Variants in PTPRS observed in about 807,000 individuals in gnomAD.
PTPRS encodes the protein receptor-type tyrosine-protein phosphatase S.
Under a neutral mutation model 215.3 loss-of-function variants are expected in PTPRS, and 63 were observed. The observed-to-expected ratio is 0.29, with a 90% CI of 0.24 to 0.36. The LOEUF (loss-of-function observed/expected upper bound fraction) is 0.36, where lower values mean the gene tolerates loss of function less well. Among genes scored for constraint, PTPRS ranks in the 10% least tolerant of loss-of-function variants. The pLI is 1.00. For synonymous variants in PTPRS, 1,404 were observed against 1,191.4 expected, an observed-to-expected ratio of 1.18 and a Z score of -3.68; for missense variants, 2,258 against 2,825.8, an observed-to-expected ratio of 0.80 and a Z score of 4.56.
At chr19:5,219,821 C>A in intron 22 of PTPRS, 118 bp downstream of exon 22, 2 of 1,199,948 alleles carry the variant, frequency 1.7e-6, no homozygotes, top group Non-Finnish European at 1.2e-6. Context: ...TCCCCTCTGC[C>A]CAGCTCTGAC....
intron 1 of PTPRS, among the ~76,000 whole-genome samples, chr19:5,334,494 T>C (rs1314709435): frequency 1.3e-5 from 2 of 152,082 alleles, no homozygotes; most frequent in Non-Finnish European, 1.5e-5. Context: ...CACAGAGAGG[T>C]TGAGCAACTT....
At position 5,231,512 on chromosome 19, in the gene PTPRS, C is replaced by A. The variant is rs1254629423; in HGVS notation, c.1953G>T (p.Leu651=). The stretch of plus-strand genomic sequence containing the variant: ...GTCGGTAGCGGACGCTGTAGCCCAC[C>A]AGGGCCCCGTTGTGCGTTTCCGGCG... ...PPPPETHNGA[L]VGYSVRYRPL... is the part of the protein sequence containing the mutation. Residue 651 remains leucine (L), a synonymous_variant, in exon 14 of 38, where the codon CTG becomes CTT. Coordinates refer to ENST00000262963, the MANE Select transcript of PTPRS (RefSeq NM_002850.4). 6.2e-7 allele frequency: 1 copy of A among 1,612,136 alleles called. No individual in the cohort carries two copies. The highest frequency in any genetic ancestry group is 8.5e-7 in the Non-Finnish European group (1 of 1,179,826).
chr19:5,225,958 G>A, intron 16 of PTPRS, 114 bp from the exon 17 acceptor site: 4 of 828,614 alleles, frequency 4.8e-6, no homozygotes, highest in Non-Finnish European at 6.0e-6. Flanking sequence ...ATCAGGGGTG[G>A]AGACGTGCAC....
intron 11 of PTPRS, among the ~76,000 whole-genome samples, chr19:5,242,291 G>A (rs1180289913): frequency 6.6e-6 from 1 of 152,246 alleles, no homozygotes; most frequent in Non-Finnish European, 1.5e-5. Flanking sequence ...CAGCCACTGG[G>A]ATCTACCCGG....
Position 5,244,057 on chromosome 19 carries a change from C to T in PTPRS, c.1414G>A (p.Val472Met), listed in dbSNP as rs747170106. ...VYYTMEPEHP[V>M]GNWQKHNVDD... is the part of the protein sequence containing the mutation. ...ACGTTGTGCTTCTGCCAGTTGCCCA[C>T]GGGGTGCTCCGGTTCCATGGTGTAG... Residue 472 changes from valine (V) to methionine (M), a missense_variant, in exon 11 of 38, where the codon GTG (valine) becomes ATG (methionine). This residue lies in a region of PTPRS where 508 missense variants were observed against 799.4 expected (regional missense o/e 0.64). Coordinates refer to ENST00000262963, the MANE Select transcript of PTPRS (RefSeq NM_002850.4). The surrounding 1 kb of genome is among the most constrained non-coding windows in gnomAD (Gnocchi z 7.2). 6.2e-6 allele frequency: 10 copies of T among 1,610,446 alleles called. No individual in the cohort carries two copies. Among genetic ancestry groups the T allele is most frequent in the Non-Finnish European group, 7.6e-6 (9 of 1,179,924 alleles).
At chr19:5,238,417 T>C (rs765351910) in intron 13 of PTPRS, among the ~76,000 whole-genome samples, 31 of 152,064 alleles carry the variant, frequency 2.0e-4, no homozygotes, top group Admixed American at 3.9e-4. Flanking sequence ...CCTGGGGTCT[T>C]GAGAGCCAAG....
At chr19:5,270,910 G>T (rs1338460664) in intron 4 of PTPRS, among the ~76,000 whole-genome samples, 12 of 152,192 alleles carry the variant, frequency 7.9e-5, no homozygotes, top group Non-Finnish European at 1.5e-4. Context: ...CTCCCAAACT[G>T]CTGGGATTAC....
Position 5,274,253 on chromosome 19 carries a change from C to A in PTPRS, c.183G>T (p.Lys61Asn). ...CCTTCTTGTTCCAGGTCACTCGTGG[C>A]TTGGGGTCACCCGTGGCCTGACACA... The part of the protein sequence containing the change: ...SFVCQATGDP[K>N]PRVTWNKKGK... The change falls in exon 3 of 38, where the codon AAG (lysine) becomes AAT (asparagine). Residue 61 changes from lysine to asparagine, a missense_variant. Around this residue, in one of 6 missense-constraint regions of PTPRS, gnomAD observed 508 missense variants for 799.4 expected, o/e 0.64. Coordinates refer to ENST00000262963, the MANE Select transcript of PTPRS (RefSeq NM_002850.4). The A allele has an allele frequency of 6.2e-7, 1 of 1,614,070 alleles. No individual in the cohort carries two copies. Among genetic ancestry groups the A allele is most frequent in the African/African-American group, 1.3e-5 (1 of 75,008 alleles).
intron 25 of PTPRS, 82 bp downstream of exon 25, chr19:5,218,338 G>T (rs2041672767): frequency 7.6e-7 from 1 of 1,311,604 alleles, no homozygotes; most frequent in Admixed American, 2.0e-5. Flanking sequence ...GCCAATGAGG[G>T]GCCCCCAGGG....
At chr19:5,253,111 G>A (rs528188825) in intron 9 of PTPRS, among the ~76,000 whole-genome samples, 1 of 152,234 alleles carries the variant, frequency 6.6e-6, no homozygotes, top group East Asian at 1.9e-4. Context: ...CATAGTCAGG[G>A]AGAATATAAT....
At position 5,206,072 on chromosome 19, in the gene PTPRS, A is replaced by G. The variant is rs1599318172; in HGVS notation, c.*702T>C. Among the ~76,000 whole-genome samples the G allele has an allele frequency of 6.8e-6, 1 of 147,124 alleles. No individual in the cohort carries two copies. Among genetic ancestry groups the G allele is most frequent in the African/African-American group, 2.5e-5 (1 of 39,418 alleles). On this transcript the variant is annotated 3_prime_UTR_variant, in exon 38 of 38. Coordinates refer to ENST00000262963, the MANE Select transcript of PTPRS (RefSeq NM_002850.4). ...TGGTAGGAAAAATTAAAAAAAAAAA[A>G]AAAAAAAAAAAAGCCAAGGTACAGC...
intron 37 of PTPRS, among the ~76,000 whole-genome samples, chr19:5,207,502 G>A (rs574859124): frequency 4.6e-5 from 7 of 152,262 alleles, no homozygotes; most frequent in African/African-American, 1.4e-4. Flanking sequence ...CTGCCACGCC[G>A]GGTCCCCTCT....
At chr19:5,303,963 T>C (rs373799937) in intron 1 of PTPRS, among the ~76,000 whole-genome samples, 5 of 72,696 alleles carry the variant, frequency 6.9e-5, no homozygotes, top group South Asian at 6.7e-4. Context: ...AAAATAATAA[T>C]AACAATAAAA....
chr19:5,237,070 C>T lies in PTPRS; in HGVS notation c.1849+1849G>A, dbSNP rs1313896234. ...TTCAACTGCTAACTTAAAAGACTTT[C>T]TTACGAGAGAGGGAACGGCCGAGCG... On this transcript the variant is annotated intron_variant, in intron 13 of 37. Transcript: ENST00000262963. The surrounding 1 kb of genome is among the most constrained non-coding windows in gnomAD (Gnocchi z 4.2). 1.3e-5 allele frequency among the ~76,000 whole-genome samples: 2 copies of T among 152,202 alleles called. No homozygotes were observed. Among genetic ancestry groups the T allele is most frequent in the Non-Finnish European group, 1.5e-5 (1 of 68,046 alleles).
chr19:5,279,679 CTATTTT>C (rs915521093), intron 2 of PTPRS, among the ~76,000 whole-genome samples: 95 of 151,330 alleles, frequency 6.3e-4, no homozygotes, highest in African/African-American at 2.2e-3. Context: ...CTGAAGTTAT[CTATTTT>C]TATTTTTATT....
intron 2 of PTPRS, among the ~76,000 whole-genome samples, chr19:5,283,639 A>G (rs1036398437): frequency 5.3e-5 from 8 of 152,174 alleles, no homozygotes; most frequent in African/African-American, 9.6e-5. Flanking sequence ...GACATCCCCA[A>G]TGCAGGTGAG....
intron 4 of PTPRS, among the ~76,000 whole-genome samples, chr19:5,266,002 G>C (rs576259782): frequency 6.6e-6 from 1 of 152,152 alleles, no homozygotes; most frequent in Non-Finnish European, 1.5e-5. Flanking sequence ...GCTCATGCCT[G>C]TAATCCCAGC....
chr19:5,231,084 G>A (rs1297355861), intron 14 of PTPRS, among the ~76,000 whole-genome samples: 1 of 152,150 alleles, frequency 6.6e-6, no homozygotes. Flanking sequence ...GTCCAGGCAC[G>A]AGGCTCTGGG....
rs1031058665 is a variant in PTPRS at position 5,227,192 on chromosome 19, G to A, written c.2377-1348C>T. 5.3e-5 allele frequency among the ~76,000 whole-genome samples: 8 copies of A among 151,866 alleles called. No homozygotes were observed. The East Asian group carries it at 1.4e-3, about 26-fold the overall frequency. ...CTCCCAAGTAGCTGGGAATACAGAC[G>A]TGCACCACCACATGCCTGGCTAATG... On this transcript the variant is annotated intron_variant, in intron 16 of 37. Transcript: ENST00000262963.
Sources: gnomAD v4.1 joint callset for allele counts (sites outside exome capture counted in the v4.1 genomes callset) on GRCh38, gnomAD v4.1.1 for gene constraint, gnomAD v4.1.1 regional missense constraint, Gnocchi (gnomAD v3.1) non-coding constraint, MANE v1.5 for transcripts, NCBI Gene and HGNC (gene_info 2026-07-23, HGNC 2026-07-21) for gene names.